Variants in SPATA16 observed in about 807,000 individuals in gnomAD.
SPATA16 encodes the protein spermatogenesis associated 16, also known as spermatogenesis-associated protein 16.
In SPATA16, 36 loss-of-function variants were observed where a neutral mutation model predicts 63.3. The ratio of observed to expected loss-of-function variants is 0.57; its 90% CI spans 0.44 to 0.75. SPATA16 has a LOEUF of 0.75. Ranked by LOEUF, SPATA16 falls within the 30% of genes least tolerant of loss-of-function variation. The probability of loss-of-function intolerance (pLI) is 0.00; values close to 1 mark genes in which losing one functional copy is unlikely to be tolerated. For synonymous variants in SPATA16, 203 were observed against 216.7 expected (o/e 0.94, Z 0.56); for missense variants, 646 against 679.3 (o/e 0.95, Z 0.54).
At position 173,117,693 on chromosome 3, in the gene SPATA16, C is replaced by T; in HGVS notation, c.39G>A (p.Val13=). ...AGSSRSLENA[V]NRIYHDQLVP... ...CAAGCTGATCATGATAGATCCTATT[C>T]ACTGCATTCTCCAAACTCCTACTGC... The change falls in exon 2 of 11, where the codon GTG becomes GTA. Residue 13 remains valine, a synonymous_variant. Transcript: ENST00000351008. 1 of 1,614,096 alleles carries T rather than the reference C, an allele frequency of 6.2e-7. No homozygotes were observed. The highest frequency in any genetic ancestry group is 8.5e-7 in the Non-Finnish European group (1 of 1,179,992).
chr3:172,957,834 A>G (rs1181547501), intron 5 of SPATA16, among the ~76,000 whole-genome samples: 1 of 152,206 alleles, frequency 6.6e-6, no homozygotes, highest in Non-Finnish European at 1.5e-5. Flanking sequence ...TAAAAACAAC[A>G]GGGAGTGGAT....
intron 6 of SPATA16, among the ~76,000 whole-genome samples, chr3:172,929,562 C>G (rs1002581671): frequency 4.6e-5 from 7 of 152,122 alleles, no homozygotes; most frequent in Non-Finnish European, 8.8e-5. Context: ...AGTAGTCTCT[C>G]TCTCTCTCTC....
chr3:173,134,641 C>T (rs1440391449), intron 1 of SPATA16, among the ~76,000 whole-genome samples: 1 of 152,158 alleles, frequency 6.6e-6, no homozygotes, highest in Non-Finnish European at 1.5e-5. Context: ...TGCCATGTTT[C>T]CTGGACTTCC....
At chr3:172,950,349 AAG>A (rs776041770) in intron 6 of SPATA16, among the ~76,000 whole-genome samples, 3 of 152,160 alleles carry the variant, frequency 2.0e-5, no homozygotes, top group Non-Finnish European at 4.4e-5. Flanking sequence ...ATTTTAAGAA[AAG>A]AGAATTTAGC....
chr3:173,014,516 G>T (rs1735137675), intron 4 of SPATA16, among the ~76,000 whole-genome samples: 1 of 152,206 alleles, frequency 6.6e-6, no homozygotes, highest in Non-Finnish European at 1.5e-5. Context: ...AGGGCCATTT[G>T]CATCCCAAAC....
chr3:172,951,496 TAAAAA>T (rs58045759), intron 6 of SPATA16, among the ~76,000 whole-genome samples: 147 of 148,518 alleles, frequency 9.9e-4, no homozygotes, highest in African/African-American at 3.4e-3. Context: ...TTTGATAATT[TAAAAA>T]AAAAAAAATT....
chr3:173,079,522 T>C (rs1736879398), intron 2 of SPATA16, among the ~76,000 whole-genome samples: 1 of 152,198 alleles, frequency 6.6e-6, no homozygotes, highest in South Asian at 2.1e-4. Flanking sequence ...AAAAGTAATG[T>C]TATTGTTATA....
intron 6 of SPATA16, among the ~76,000 whole-genome samples, chr3:172,928,395 T>G (rs1451378122): frequency 6.6e-6 from 1 of 152,244 alleles, no homozygotes; most frequent in African/African-American, 2.4e-5. Context: ...GAATACTATT[T>G]TGCTGAAATA....
chr3:172,907,116 AG>A (rs1164432897), intron 10 of SPATA16, among the ~76,000 whole-genome samples: 1 of 152,196 alleles, frequency 6.6e-6, no homozygotes, highest in Non-Finnish European at 1.5e-5. Context: ...CACAGCTGCA[AG>A]GGGACTTAGA....
chr3:173,089,575 C>T (rs1485038679), intron 2 of SPATA16, among the ~76,000 whole-genome samples: 1 of 152,022 alleles, frequency 6.6e-6, no homozygotes, highest in East Asian at 1.9e-4. Flanking sequence ...CAGAGGAGGC[C>T]CTGAAAAGGG....
intron 2 of SPATA16, among the ~76,000 whole-genome samples, chr3:173,088,027 T>C (rs1424145931): frequency 3.2e-5 from 4 of 123,200 alleles, no homozygotes; most frequent in Non-Finnish European, 5.3e-5. Flanking sequence ...TCTTTCTTTC[T>C]TTCTTTCTTT....
At chr3:172,910,673 T>C (rs1560064082) in intron 10 of SPATA16, among the ~76,000 whole-genome samples, 2 of 152,296 alleles carry the variant, frequency 1.3e-5, no homozygotes, top group South Asian at 4.1e-4. Flanking sequence ...TTGGCTGCTC[T>C]ATCTCTAATT....
intron 2 of SPATA16, among the ~76,000 whole-genome samples, chr3:173,070,186 G>C (rs1349094307): frequency 6.6e-5 from 10 of 152,020 alleles, no homozygotes; most frequent in Non-Finnish European, 1.2e-4. Flanking sequence ...CTTGAGGCCA[G>C]AAGTTCAAGA....
At chr3:172,931,057 C>A (rs142050231) in intron 6 of SPATA16, among the ~76,000 whole-genome samples, 5,660 of 151,744 alleles carry the variant, frequency 0.037, 143 homozygotes, top group South Asian at 0.11. Context: ...CTCCTGACCT[C>A]AGGTGATCCA....
At chr3:172,960,630 A>G (rs11917544) in intron 5 of SPATA16, among the ~76,000 whole-genome samples, 6,212 of 152,246 alleles carry the variant, frequency 0.041, 424 homozygotes, top group African/African-American at 0.14. Context: ...TGACTGTACA[A>G]AAGAGACCAT....
At chr3:172,993,519 T>C (rs1047067509) in intron 4 of SPATA16, among the ~76,000 whole-genome samples, 2 of 152,036 alleles carry the variant, frequency 1.3e-5, no homozygotes, top group Admixed American at 6.6e-5. Flanking sequence ...GGAATGATGA[T>C]GATGAACAGC....
chr3:173,097,494 A>G (rs537371096), intron 2 of SPATA16, among the ~76,000 whole-genome samples: 2 of 152,324 alleles, frequency 1.3e-5, no homozygotes, highest in African/African-American at 4.8e-5. Context: ...TAGCACCTCA[A>G]ACTGCAAAAG....
intron 10 of SPATA16, among the ~76,000 whole-genome samples, chr3:172,892,854 G>C (rs763311200): frequency 2.6e-5 from 4 of 152,080 alleles, no homozygotes; most frequent in Admixed American, 6.6e-5. Flanking sequence ...TGTCATTCTG[G>C]GTCTAATTTT....
chr3:173,041,171 G>A (rs546033003), intron 3 of SPATA16, among the ~76,000 whole-genome samples: 8 of 152,076 alleles, frequency 5.3e-5, no homozygotes, highest in Non-Finnish European at 1.2e-4. Context: ...TTCTCAAGGA[G>A]GCAAACTGCC....
Sources: allele counts gnomAD v4.1 joint callset (sites outside exome capture counted in the v4.1 genomes callset), GRCh38; gene constraint gnomAD v4.1.1; transcripts MANE v1.5; gene names NCBI Gene and HGNC (gene_info 2026-07-23, HGNC 2026-07-21).